Variants in NDUFA5 observed in about 807,000 individuals in gnomAD.
NDUFA5 encodes NADH:ubiquinone oxidoreductase subunit A5, also known as NADH dehydrogenase [ubiquinone] 1 alpha subcomplex subunit 5.
In NDUFA5, 11 loss-of-function variants were observed where a neutral mutation model predicts 19.8. The observed-to-expected ratio is 0.56, with a 90% CI of 0.35 to 0.92. NDUFA5 has a LOEUF of 0.92. Among genes scored for constraint, NDUFA5 ranks in the 40% least tolerant of loss-of-function variants. The probability of loss-of-function intolerance (pLI) is 0.01; values close to 1 mark genes in which losing one functional copy is unlikely to be tolerated. For synonymous variants in NDUFA5, 47 were observed against 46.8 expected, an observed-to-expected ratio of 1.00 and a Z score of -0.01; for missense variants, 109 against 134.2, an observed-to-expected ratio of 0.81 and a Z score of 0.93.
intron 3 of NDUFA5, 99 bp from the exon 4 acceptor site, chr7:123,545,775 ACAACTTTTCTTTCATCATACTC>A: frequency 5.3e-6 from 4 of 757,234 alleles, no homozygotes; most frequent in Non-Finnish European, 8.4e-6. Context: ...ACTTAAAAAT[ACAACTTTTCTTTCATCATACTC>A]TTTTTACTAA....
At chr7:123,591,997 G>C in the NDUFA5 span, among the ~76,000 whole-genome samples, 9 of 152,114 alleles carry the variant, frequency 5.9e-5, no homozygotes, top group Non-Finnish European at 1.0e-4. Flanking sequence ...GGTCTATTCA[G>C]AGATTCAACT....
At position 123,541,850 on chromosome 7, in the gene NDUFA5, A is replaced by G. The variant is rs1218859185; in HGVS notation, c.*269T>C. On this transcript the variant is annotated 3_prime_UTR_variant, in exon 5 of 5. Transcript: ENST00000355749. ...TATGGTCTCTGCATTGAAAATCTGT[A>G]GGAATTTTTCTTTAATAATTTTCAA... 4.7e-6 allele frequency: 1 copy of G among 212,138 alleles called. No homozygotes were observed. Among genetic ancestry groups the G allele is most frequent in the Non-Finnish European group, 9.2e-6 (1 of 108,110 alleles). 13.1% of individuals were successfully genotyped at this position (212,138 alleles called of 1,614,324 possible). A position where few individuals can be genotyped will look rare whatever the true frequency, so the allele number is the denominator to read the frequency against.
At chr7:123,567,207 C>A in the NDUFA5 span, 1 of 152,136 alleles carries the variant, frequency 6.6e-6, no homozygotes, top group Non-Finnish European at 1.5e-5. Context: ...GAATTAGGAA[C>A]ATCATCCTTG....
intron 2 of NDUFA5, among the ~76,000 whole-genome samples, chr7:123,551,999 T>C (rs1198223703): frequency 6.6e-6 from 1 of 152,164 alleles, no homozygotes; most frequent in Non-Finnish European, 1.5e-5. Context: ...GGTGGACACT[T>C]AGTTTATCAT....
chr7:123,556,782 A>G (rs757628505), intron 2 of NDUFA5: 2 of 478,942 alleles, frequency 4.2e-6, no homozygotes, highest in East Asian at 5.5e-5. Flanking sequence ...TGAGCTGACC[A>G]TTGGATTTGG....
rs1797825247 is a variant in NDUFA5, at chr7:123,538,683, C to T, written c.*3436G>A. 6.6e-6 allele frequency: 1 copy of T among 152,214 alleles called. No individual in the cohort carries two copies. The highest frequency in any genetic ancestry group is 6.5e-5 in the Admixed American group (1 of 15,284). The allele number at this position is 152,214 out of a possible 1,614,324, so 9.4% of individuals were successfully genotyped here. A position where few individuals can be genotyped will look rare whatever the true frequency, so the allele number is the denominator to read the frequency against. ...GGGATTATAGGTGTGAGCCACCACG[C>T]CTCCCTACTGAACACTTAGTTTTAA... On this transcript the variant is annotated 3_prime_UTR_variant, in exon 5 of 5. Transcript: ENST00000355749.
chr7:123,550,917 TC>T (rs1798314159), intron 2 of NDUFA5, among the ~76,000 whole-genome samples: 1 of 152,174 alleles, frequency 6.6e-6, no homozygotes, highest in South Asian at 2.1e-4. Flanking sequence ...ATTTACCAAA[TC>T]AGTATTTTTC....
the NDUFA5 span, among the ~76,000 whole-genome samples, chr7:123,577,204 T>C: frequency 0.017 from 2,516 of 152,308 alleles, 70 homozygotes; most frequent in African/African-American, 0.057. Context: ...ATTGATATCT[T>C]CCATTGTTGA....
chr7:123,550,572 C>T lies in NDUFA5; in HGVS notation c.81G>A (p.Leu27=). The T allele has an allele frequency of 6.3e-7, 1 of 1,596,796 alleles. No individual in the cohort carries two copies. Among genetic ancestry groups the T allele is most frequent in the Non-Finnish European group, 8.6e-7 (1 of 1,167,006 alleles). ...CNTPHERLRI[L]YTKILDVLEE... ...CAAGAACATCAAGAATCTTTGTGTA[C>T]AATATTCTTAGCCTCTGAAAAGACA... Residue 27 remains leucine, a synonymous_variant, in exon 3 of 5, where the codon TTG becomes TTA. Transcript: ENST00000355749.
At chr7:123,577,014 T>C in the NDUFA5 span, among the ~76,000 whole-genome samples, 1 of 152,208 alleles carries the variant, frequency 6.6e-6, no homozygotes, top group East Asian at 1.9e-4. Flanking sequence ...CTTCCTGTTA[T>C]CTATTTTAAT....
At position 123,550,241 on chromosome 7, in the gene NDUFA5, C is replaced by T. The variant is rs191722827; in HGVS notation, c.183+229G>A. On this transcript the variant is annotated intron_variant, in intron 3 of 4. Coordinates refer to ENST00000355749, the MANE Select transcript of NDUFA5 (RefSeq NM_005000.5). ...GGTAAAAGGAACAGCTACAATGTTA[C>T]TTCAAGGAAGGATCTGATCCTAGTC... 104 of 414,916 alleles carry T rather than the reference C, an allele frequency of 2.5e-4. No homozygotes were observed. The Admixed American group carries it at 3.5e-3, about 14-fold the overall frequency. The allele number at this position is 414,916 out of a possible 1,614,324, so 25.7% of individuals were successfully genotyped here.
chr7:123,556,680 G>A, intron 2 of NDUFA5: 1 of 376,798 alleles, frequency 2.7e-6, no homozygotes, highest in South Asian at 2.2e-5. Flanking sequence ...TTGGCAACAT[G>A]GAGATAACTG....
the NDUFA5 span, among the ~76,000 whole-genome samples, chr7:123,570,635 T>A: frequency 6.6e-6 from 1 of 152,176 alleles, no homozygotes; most frequent in South Asian, 2.1e-4. Flanking sequence ...CTTGACAAAT[T>A]ATAGGCCTTA....
intron 3 of NDUFA5, among the ~76,000 whole-genome samples, chr7:123,549,388 C>T (rs1198782621): frequency 6.6e-6 from 1 of 151,982 alleles, no homozygotes; most frequent in Admixed American, 6.6e-5. Context: ...AAAAATAGGA[C>T]AATAAGTAAA....
chr7:123,542,267 C>T (rs1281112510), intron 4 of NDUFA5, 47 bp from the exon 5 acceptor site: 2 of 1,388,454 alleles, frequency 1.4e-6, no homozygotes, highest in East Asian at 2.3e-5. Context: ...TACTCTTCAA[C>T]AGATATTTAT....
At chr7:123,575,880 T>G in the NDUFA5 span, among the ~76,000 whole-genome samples, 1 of 151,032 alleles carries the variant, frequency 6.6e-6, no homozygotes, top group Non-Finnish European at 1.5e-5. Context: ...AATTTTTGGT[T>G]ACTTTTCCCT....
At chr7:123,586,516 C>T in the NDUFA5 span, among the ~76,000 whole-genome samples, 14 of 151,400 alleles carry the variant, frequency 9.2e-5, no homozygotes, top group African/African-American at 2.4e-4. Context: ...CATTTTCTTT[C>T]GTTGATTGTT....
Position 123,537,603 on chromosome 7 carries a change from C to A in NDUFA5, c.*4516G>T, listed in dbSNP as rs1797790219. 1 of 152,066 alleles carries A rather than the reference C, an allele frequency of 6.6e-6. No homozygotes were observed. The allele number at this position is 152,066 out of a possible 1,614,324, so 9.4% of individuals were successfully genotyped here. A position where few individuals can be genotyped will look rare whatever the true frequency, so the allele number is the denominator to read the frequency against. On this transcript the variant is annotated 3_prime_UTR_variant, in exon 5 of 5. Transcript: ENST00000355749. ...CAGTTTAGAATCAAATATATTGATA[C>A]ATCTGTGGCAAAATATATTCATATT...
At chr7:123,597,328 T>C in the NDUFA5 span, among the ~76,000 whole-genome samples, 1 of 152,214 alleles carries the variant, frequency 6.6e-6, no homozygotes, top group Non-Finnish European at 1.5e-5. Flanking sequence ...TCAAGGAACC[T>C]TTATTTTATT....
Sources: allele counts gnomAD v4.1 joint callset (sites outside exome capture counted in the v4.1 genomes callset), GRCh38; gene constraint gnomAD v4.1.1; transcripts MANE v1.5; gene names NCBI Gene and HGNC (gene_info 2026-07-23, HGNC 2026-07-21).